MYO5C: variants seen among roughly 807,000 people sequenced by gnomAD.
The protein encoded by MYO5C is unconventional myosin-Vc.
Under a neutral mutation model 235.7 loss-of-function variants are expected in MYO5C, and 194 were observed. That is an observed-to-expected ratio of 0.82 (90% CI 0.73 to 0.93). MYO5C has a LOEUF of 0.93. MYO5C is among the 40% of genes least tolerant of loss of function. MYO5C has a pLI of 0.00. For missense variants in MYO5C, 2,038 were observed against 2,127.2 expected (o/e 0.96, Z 0.82); for synonymous variants, 707 against 754.8 (o/e 0.94, Z 1.04).
At chr15:52,236,393 G>C (rs1859304588) in intron 22 of MYO5C, among the ~76,000 whole-genome samples, 2 of 152,210 alleles carry the variant, frequency 1.3e-5, no homozygotes, top group Admixed American at 6.5e-5. Flanking sequence ...TGCAGCAGAG[G>C]CTGGGCACGG....
chr15:52,264,119 G>C lies in MYO5C; in HGVS notation c.1047+71C>G, dbSNP rs1596208317. 6 of 1,192,500 alleles carry C rather than the reference G, an allele frequency of 5.0e-6. No homozygotes were observed. The East Asian group carries it at 1.4e-4, about 28-fold the overall frequency. The allele number at this position is 1,192,500 out of a possible 1,614,324, so 73.9% of individuals were successfully genotyped here. A position where few individuals can be genotyped will look rare whatever the true frequency, so the allele number is the denominator to read the frequency against. On this transcript the variant is annotated intron_variant, in intron 9 of 40. Coordinates refer to ENST00000261839, the MANE Select transcript of MYO5C (RefSeq NM_018728.4). ...CTATATCTGGTGCTAAAAAGCAAAGGCAGGTCAGCTGCGAGCCAGTTCCAC... is the reference window on the plus strand; with the variant it reads ...CTATATCTGGTGCTAAAAAGCAAAGCCAGGTCAGCTGCGAGCCAGTTCCAC...
chr15:52,228,785 CTT>C (rs1267866414), intron 25 of MYO5C, among the ~76,000 whole-genome samples: 2 of 151,112 alleles, frequency 1.3e-5, no homozygotes, highest in Non-Finnish European at 2.9e-5. Flanking sequence ...AATAAGGTAA[CTT>C]AACTTTAATG....
chr15:52,275,535 C>T lies in MYO5C; in HGVS notation c.606+27G>A, dbSNP rs753916821. 1.9e-6 allele frequency: 3 copies of T among 1,612,788 alleles called. No individual in the cohort carries two copies. In the African/African-American group the frequency reaches 4.0e-5, roughly 22 times the overall value. On this transcript the variant is annotated intron_variant, in intron 5 of 40. Transcript: ENST00000261839. ...CAACCCCCATTTCCATCACCAACAC[C>T]CAGCTGCCTTCCGCAGTGGTACGCA...
At chr15:52,233,660 C>T (rs1336463010) in intron 23 of MYO5C, among the ~76,000 whole-genome samples, 1 of 152,232 alleles carries the variant, frequency 6.6e-6, no homozygotes, top group Non-Finnish European at 1.5e-5. Context: ...GCTGTTAACA[C>T]TGAAATACAA....
chr15:52,253,958 T>C (rs185280969), intron 11 of MYO5C, among the ~76,000 whole-genome samples: 21 of 124,258 alleles, frequency 1.7e-4, no homozygotes, highest in African/African-American at 6.4e-4. Flanking sequence ...CCATGGAGGA[T>C]GAAAGAAAGT....
At chr15:52,197,913 G>A (rs1345439994) in intron 38 of MYO5C, among the ~76,000 whole-genome samples, 1 of 151,974 alleles carries the variant, frequency 6.6e-6, no homozygotes, top group Non-Finnish European at 1.5e-5. Context: ...TGGGATTACA[G>A]GTGTGAGTGA....
intron 32 of MYO5C, among the ~76,000 whole-genome samples, chr15:52,216,888 G>A (rs986487179): frequency 1.3e-5 from 2 of 152,226 alleles, no homozygotes; most frequent in Non-Finnish European, 2.9e-5. Context: ...AAGGCCAGGT[G>A]CAGAGAGGCA....
chr15:52,196,220 G>T, intron 39 of MYO5C, 89 bp downstream of exon 39: 1 of 1,301,252 alleles, frequency 7.7e-7, no homozygotes, highest in Non-Finnish European at 1.0e-6. Flanking sequence ...GAATCAGGGT[G>T]CCCACAGCTG....
rs573458897 is a variant in MYO5C at position 52,253,326 on chromosome 15, T to C, written c.1527A>G (p.Glu509=). The change falls in exon 12 of 41, where the codon GAA becomes GAG. Residue 509 remains glutamate, a synonymous_variant. Coordinates refer to ENST00000261839, the MANE Select transcript of MYO5C (RefSeq NM_018728.4). ...TATTCTTAAAAGTTACCAAACATTC[T>C]TCATCCAGTAACTCCAGAATTCCCA... ...AKMGILELLD[E]ECLLPHGTDE... 4 of 1,606,420 alleles carry C rather than the reference T, an allele frequency of 2.5e-6. No homozygotes were observed. Among genetic ancestry groups the C allele is most frequent in the African/African-American group, 2.7e-5 (2 of 74,538 alleles).
chr15:52,211,714 C>T lies in MYO5C; in HGVS notation c.4296+16G>A, dbSNP rs2035444320. On this transcript the variant is annotated intron_variant, in intron 35 of 40. Transcript: ENST00000261839. ...TAGATGTGATACCAGGGGCCAATGT[C>T]AAAGGCATTTCCTACCTTAACCACC... 6.2e-7 allele frequency: 1 copy of T among 1,611,568 alleles called. No individual in the cohort carries two copies. The highest frequency in any genetic ancestry group is 8.5e-7 in the Non-Finnish European group (1 of 1,178,538).
intron 35 of MYO5C, among the ~76,000 whole-genome samples, chr15:52,210,500 A>G (rs1399738365): frequency 6.6e-6 from 1 of 152,200 alleles, no homozygotes; most frequent in African/African-American, 2.4e-5. Flanking sequence ...ACTTTTTAAC[A>G]TAACTGTAAA....
chr15:52,195,704 T>G (rs55765968), intron 39 of MYO5C, among the ~76,000 whole-genome samples: 79 of 152,098 alleles, frequency 5.2e-4, no homozygotes, highest in Non-Finnish European at 7.9e-4. Flanking sequence ...CCTCCCCACC[T>G]CCCACATGGC....
chr15:52,209,799 G>A (rs2035404223), intron 35 of MYO5C, among the ~76,000 whole-genome samples: 1 of 152,106 alleles, frequency 6.6e-6, no homozygotes, highest in South Asian at 2.1e-4. Context: ...TGAAGATGGT[G>A]ACTATAAAGT....
chr15:52,203,679 T>A (rs1274541014), intron 38 of MYO5C, among the ~76,000 whole-genome samples: 4 of 152,200 alleles, frequency 2.6e-5, no homozygotes, highest in Non-Finnish European at 5.9e-5. Context: ...ATTAAGTTAT[T>A]ATTGACTATA....
chr15:52,229,423 A>C, intron 24 of MYO5C, 110 bp from the exon 25 acceptor site: 1 of 986,634 alleles, frequency 1.0e-6, no homozygotes, highest in Non-Finnish European at 1.5e-6. Flanking sequence ...CCAGGAGTTC[A>C]AGACTAGCCT....
chr15:52,235,598 T>C (rs2036062314), intron 23 of MYO5C, 72 bp downstream of exon 23: 1 of 1,229,482 alleles, frequency 8.1e-7, no homozygotes, highest in Non-Finnish European at 1.2e-6. Flanking sequence ...GTTCTAAAAC[T>C]GGTCAACCCC....
chr15:52,204,304 C>G lies in MYO5C; in HGVS notation c.4820+561G>C, dbSNP rs536569044. Among the ~76,000 whole-genome samples, 3 of 151,888 alleles carry G rather than the reference C, an allele frequency of 2.0e-5. No homozygotes were observed. In the South Asian group the frequency reaches 6.2e-4, roughly 32 times the overall value. ...AGCAGAGGTCCTCACTCACTCCCCG[C>G]AATGCCTCTGACCGTTTCTCCTGCT... is the stretch of plus-strand genomic sequence containing the variant. On this transcript the variant is annotated intron_variant, in intron 38 of 40. Transcript: ENST00000261839.
intron 39 of MYO5C, among the ~76,000 whole-genome samples, chr15:52,195,731 C>T (rs986628724): frequency 4.6e-5 from 7 of 152,082 alleles, no homozygotes; most frequent in African/African-American, 1.2e-4. Context: ...TCCACATACA[C>T]ATTTGTGAGT....
chr15:52,242,443 G>A (rs2036247021), intron 19 of MYO5C: 1 of 491,928 alleles, frequency 2.0e-6, no homozygotes, highest in Non-Finnish European at 3.6e-6. Context: ...CAGGCCAGTC[G>A]ATTCACCTCC....
Sources: allele counts gnomAD v4.1 joint callset (sites outside exome capture counted in the v4.1 genomes callset), GRCh38; gene constraint gnomAD v4.1.1; transcripts MANE v1.5; gene names NCBI Gene and HGNC (gene_info 2026-07-23, HGNC 2026-07-21).